Variants in ATP2B2 observed in about 807,000 individuals in gnomAD.
ATP2B2 encodes the protein ATPase plasma membrane Ca2+ transporting 2.
A neutral mutation model predicts 120.0 loss-of-function variants in ATP2B2; 15 were observed. The observed-to-expected ratio is 0.12, with a 90% CI of 0.08 to 0.19. The LOEUF is 0.19. Among genes scored for constraint, ATP2B2 ranks in the 10% least tolerant of loss-of-function variants. The pLI is 1.00. For missense variants in ATP2B2, 1,045 were observed against 1,719.8 expected (o/e 0.61, Z 6.94); for synonymous variants, 694 against 700.3 (o/e 0.99, Z 0.14).
intron 8 of ATP2B2, among the ~76,000 whole-genome samples, chr3:10,380,544 T>C (rs1228236878): frequency 2.6e-5 from 4 of 152,208 alleles, no homozygotes; most frequent in Non-Finnish European, 5.9e-5. Context: ...GATGAGAAAC[T>C]GAGGCTCAGA....
At chr3:10,616,490 G>A (rs114779363) in intron 2 of ATP2B2, among the ~76,000 whole-genome samples, 107 of 152,196 alleles carry the variant, frequency 7.0e-4, no homozygotes, top group African/African-American at 2.4e-3. Context: ...CTTTGTTATG[G>A]CAGCCCTAAC....
At chr3:10,664,580 G>A (rs1215495709) in intron 1 of ATP2B2, among the ~76,000 whole-genome samples, 1 of 152,134 alleles carries the variant, frequency 6.6e-6, no homozygotes, top group Non-Finnish European at 1.5e-5. Context: ...TCCTGGCATG[G>A]CCCCACAAGG....
intron 2 of ATP2B2, among the ~76,000 whole-genome samples, chr3:10,416,148 C>A (rs181720369): frequency 1.3e-3 from 192 of 152,334 alleles, no homozygotes; most frequent in African/African-American, 4.4e-3. Flanking sequence ...CAACTGTGGG[C>A]AGAATCTGTG....
intron 1 of ATP2B2, among the ~76,000 whole-genome samples, chr3:10,502,042 G>A (rs761915370): frequency 2.6e-5 from 4 of 152,220 alleles, no homozygotes; most frequent in African/African-American, 9.7e-5. Flanking sequence ...TGGCTGGGCA[G>A]GGGGAAGGCA....
At chr3:10,560,857 C>T (rs1019325376) in intron 2 of ATP2B2, among the ~76,000 whole-genome samples, 5 of 152,128 alleles carry the variant, frequency 3.3e-5, no homozygotes, top group African/African-American at 7.2e-5. Flanking sequence ...CTCACAGCAC[C>T]ATCTCTTGTT....
At position 10,558,622 on chromosome 3, in the gene ATP2B2, A is replaced by T. The variant is rs528424700; in HGVS notation, c.-414-24489T>A. On this transcript the variant is annotated intron_variant, in intron 2 of 21. Coordinates refer to the ATP2B2 transcript ENST00000646379. ...GAAGCCTGACCTCCTATGACTGTTC[A>T]GTTACTCAAGCCAATAAGTGGAATA... 4.6e-5 allele frequency among the ~76,000 whole-genome samples: 7 copies of T among 152,302 alleles called. No individual in the cohort carries two copies. In the East Asian group the frequency reaches 1.4e-3, roughly 29 times the overall value.
Position 10,325,846 on chromosome 3 carries a change from C to A in ATP2B2, c.*2968G>T, listed in dbSNP as rs2059848073. ...AGTTGGTGAGCTTAGCTCTCAGAAC[C>A]AAATCTGCCACTTACTCCTGGAGCC... On this transcript the variant is annotated 3_prime_UTR_variant, in exon 23 of 23. Transcript: ENST00000360273. 6.6e-6 allele frequency: 1 copy of A among 152,118 alleles called. No homozygotes were observed. Among genetic ancestry groups the A allele is most frequent in the South Asian group, 2.1e-4 (1 of 4,826 alleles). 9.4% of individuals were successfully genotyped at this position (152,118 alleles called of 1,614,324 possible). A position where few individuals can be genotyped will look rare whatever the true frequency, so the allele number is the denominator to read the frequency against.
intron 2 of ATP2B2, among the ~76,000 whole-genome samples, chr3:10,564,296 C>A (rs187919477): frequency 3.3e-5 from 5 of 152,316 alleles, no homozygotes; most frequent in Admixed American, 3.3e-4. Context: ...CCGGTGCAAC[C>A]AATTCCCTGC....
chr3:10,673,806 C>CAA (rs549651187), intron 1 of ATP2B2, among the ~76,000 whole-genome samples: 2,235 of 73,232 alleles, frequency 0.031, 132 homozygotes, highest in Middle Eastern at 0.04. Context: ...GACCCTGTTT[C>CAA]AAAAAAAAAA....
In ATP2B2 at chr3:10,385,337, G is replaced by C. The variant is rs757539472; in HGVS notation, c.941-10C>G. ...GCCGCACCGTCTGCTGCTGCAGGGG[G>C]GTGGGAGGGATGGAAAATGCAGTGT... is the stretch of plus-strand genomic sequence containing the variant. On this transcript the variant is annotated splice_polypyrimidine_tract_variant and intron_variant, in intron 7 of 22. Coordinates refer to ENST00000360273, the MANE Select transcript of ATP2B2 (RefSeq NM_001001331.4). 6.8e-6 allele frequency: 11 copies of C among 1,613,154 alleles called. No homozygotes were observed. Among genetic ancestry groups the C allele is most frequent in the Non-Finnish European group, 9.3e-6 (11 of 1,179,748 alleles).
At chr3:10,587,885 T>C (rs1452529872) in intron 2 of ATP2B2, among the ~76,000 whole-genome samples, 1 of 152,202 alleles carries the variant, frequency 6.6e-6, no homozygotes, top group Non-Finnish European at 1.5e-5. Flanking sequence ...TCAGTTCACA[T>C]TTTATGTCTT....
At chr3:10,539,476 T>C (rs1244637354) in intron 2 of ATP2B2, among the ~76,000 whole-genome samples, 1 of 152,092 alleles carries the variant, frequency 6.6e-6, no homozygotes, top group Non-Finnish European at 1.5e-5. Context: ...CAAACTATAC[T>C]ACAAGGCTAT....
At chr3:10,523,545 G>A (rs181928743) in intron 3 of ATP2B2, among the ~76,000 whole-genome samples, 102 of 152,328 alleles carry the variant, frequency 6.7e-4, no homozygotes, top group African/African-American at 1.9e-3. Flanking sequence ...CATAAATTGC[G>A]AATCTTTGCT....
chr3:10,388,449 G>A (rs111523533), intron 5 of ATP2B2, 47 bp from the exon 6 acceptor site: 145 of 1,613,404 alleles, frequency 9.0e-5, no homozygotes, highest in Middle Eastern at 1.7e-4. Flanking sequence ...GGTTGAAGCC[G>A]TCTCCCCAAA....
chr3:10,441,742 T>A (rs2063674249), intron 2 of ATP2B2, among the ~76,000 whole-genome samples: 1 of 152,200 alleles, frequency 6.6e-6, no homozygotes, highest in Admixed American at 6.5e-5. Flanking sequence ...ATAACATATA[T>A]TTGTCCAATA....
In ATP2B2 at chr3:10,427,126, A is replaced by G. The variant is rs563714830; in HGVS notation, c.200-16311T>C. Among the ~76,000 whole-genome samples the G allele has an allele frequency of 2.6e-5, 4 of 152,324 alleles. No individual in the cohort carries two copies. In the South Asian group the frequency reaches 6.2e-4, roughly 24 times the overall value. ...CTTCAAAACAGATGTGGGTTAAGGA[A>G]ATAGGGATAAGCAGTGTCTCTCATC... On this transcript the variant is annotated intron_variant, in intron 2 of 22. Transcript: ENST00000360273.
chr3:10,483,125 T>C (rs2065480434), intron 1 of ATP2B2, among the ~76,000 whole-genome samples: 1 of 152,170 alleles, frequency 6.6e-6, no homozygotes, highest in Non-Finnish European at 1.5e-5. Flanking sequence ...TCCTACCTTC[T>C]CTCCCTGGTG....
chr3:10,534,446 C>T lies in ATP2B2; in HGVS notation c.-414-313G>A, dbSNP rs916524004. 3.9e-5 allele frequency among the ~76,000 whole-genome samples: 6 copies of T among 152,350 alleles called. No homozygotes were observed. The South Asian group carries it at 8.3e-4, about 21-fold the overall frequency. Reference sequence around the variant, plus strand: ...GGCTGCCCCTTTCACTAACATGCATCGGGCATCTAGCCATTCTATTCATTT... The same window carrying T: ...GGCTGCCCCTTTCACTAACATGCATTGGGCATCTAGCCATTCTATTCATTT... On this transcript the variant is annotated intron_variant, in intron 2 of 21. Transcript: ENST00000646379.
intron 2 of ATP2B2, among the ~76,000 whole-genome samples, chr3:10,576,163 T>C (rs988614897): frequency 2.0e-5 from 3 of 152,330 alleles, no homozygotes; most frequent in Admixed American, 6.5e-5. Context: ...GGCCTCCAGA[T>C]GCCTTAGCCC....
Sources: gnomAD v4.1 joint callset for allele counts (sites outside exome capture counted in the v4.1 genomes callset) on GRCh38, gnomAD v4.1.1 for gene constraint, MANE v1.5 for transcripts, NCBI Gene and HGNC (gene_info 2026-07-23, HGNC 2026-07-21) for gene names.